The following CALD1 variants were observed in gnomAD, a reference collection of about 807,000 sequenced individuals.
CALD1 encodes the protein caldesmon.
Under a neutral mutation model 99.9 loss-of-function variants are expected in CALD1, and 33 were observed. That is an observed-to-expected ratio of 0.33 (90% CI 0.25 to 0.44). CALD1 has a LOEUF of 0.44. Ranked by LOEUF, CALD1 falls within the 20% of genes least tolerant of loss-of-function variation. CALD1 has a pLI of 1.00. For synonymous variants in CALD1, 310 were observed against 325.0 expected, an observed-to-expected ratio of 0.95 and a Z score of 0.50; for missense variants, 861 against 962.1, an observed-to-expected ratio of 0.89 and a Z score of 1.39.
chr7:134,872,164 C>G (rs1186389733), intron 3 of CALD1, among the ~76,000 whole-genome samples: 1 of 152,102 alleles, frequency 6.6e-6, no homozygotes, highest in Non-Finnish European at 1.5e-5. Context: ...CGAGACCACC[C>G]TGGCCAACAT....
upstream of CALD1, among the ~76,000 whole-genome samples, chr7:134,775,706 G>A (rs572344735): frequency 4.0e-3 from 199 of 49,656 alleles, 1 homozygote; most frequent in South Asian, 0.014. Context: ...GCGAGACTCC[G>A]TCTCAAAAAA....
At chr7:134,817,137 A>C (rs1442797802) in intron 1 of CALD1, among the ~76,000 whole-genome samples, 1 of 152,108 alleles carries the variant, frequency 6.6e-6, no homozygotes, top group Non-Finnish European at 1.5e-5. Flanking sequence ...TAAAGAGTGC[A>C]TCTTTGGAGG....
At chr7:134,748,499 C>A (rs1295537047) in intron 1 of CALD1, among the ~76,000 whole-genome samples, 4 of 152,150 alleles carry the variant, frequency 2.6e-5, no homozygotes, top group African/African-American at 9.7e-5. Context: ...CACCTGAGGT[C>A]AGGAGTTCGA....
intron 3 of CALD1, among the ~76,000 whole-genome samples, chr7:134,909,484 AC>A (rs1480255294): frequency 6.6e-6 from 1 of 152,206 alleles, no homozygotes; most frequent in Non-Finnish European, 1.5e-5. Context: ...GGAGTTCGAG[AC>A]CAGCCTGGCC....
rs2133000794 is a variant in CALD1 at position 134,935,900 on chromosome 7, G to A, written c.1386+135G>A. 3 of 796,934 alleles carry A rather than the reference G, an allele frequency of 3.8e-6. No homozygotes were observed. The East Asian group carries it at 8.5e-5, about 22-fold the overall frequency. The allele number at this position is 796,934 out of a possible 1,614,324, so 49.4% of individuals were successfully genotyped here. Reference sequence around the variant, plus strand: ...TTCAAGCCATGACTCACAGTCCACTGAATAGTGAGATCAGCTTAGAGTGTC... The same window carrying A: ...TTCAAGCCATGACTCACAGTCCACTAAATAGTGAGATCAGCTTAGAGTGTC... On this transcript the variant is annotated intron_variant, in intron 6 of 14. Transcript: ENST00000361675.
At chr7:134,950,866 G>A (rs542306902) in intron 9 of CALD1, among the ~76,000 whole-genome samples, 2 of 152,296 alleles carry the variant, frequency 1.3e-5, no homozygotes, top group South Asian at 2.1e-4. Flanking sequence ...GGCTTAGGCA[G>A]GAGAATCACT....
chr7:134,929,355 C>A (rs78454739), intron 4 of CALD1, among the ~76,000 whole-genome samples: 12 of 151,692 alleles, frequency 7.9e-5, no homozygotes, highest in Non-Finnish European at 1.5e-4. Context: ...CCGAGCAGTA[C>A]ACACCACGCC....
chr7:134,839,793 G>A (rs997946202), intron 1 of CALD1, among the ~76,000 whole-genome samples: 2 of 152,094 alleles, frequency 1.3e-5, no homozygotes, highest in Non-Finnish European at 2.9e-5. Context: ...TGGCTCAAGA[G>A]ATCCTCCCAC....
intron 1 of CALD1, among the ~76,000 whole-genome samples, chr7:134,814,181 C>A (rs1012954080): frequency 1.8e-4 from 27 of 152,100 alleles, no homozygotes; most frequent in African/African-American, 6.5e-4. Flanking sequence ...TACTTCCAGG[C>A]TCTGTGATAC....
At chr7:134,777,898 T>C (rs903814283), upstream of CALD1, among the ~76,000 whole-genome samples, 11 of 152,144 alleles carry the variant, frequency 7.2e-5, no homozygotes, top group African/African-American at 2.7e-4. Flanking sequence ...GTTCCGAAAA[T>C]TTATTTCTAA....
At chr7:134,821,593 T>C (rs1039945299) in intron 1 of CALD1, among the ~76,000 whole-genome samples, 3 of 140,388 alleles carry the variant, frequency 2.1e-5, no homozygotes, top group African/African-American at 7.8e-5. Flanking sequence ...CATTTTTTTT[T>C]TTTTTTTGAG....
At chr7:134,775,361 T>C (rs1368393784), upstream of CALD1, among the ~76,000 whole-genome samples, 1 of 152,220 alleles carries the variant, frequency 6.6e-6, no homozygotes, top group Non-Finnish European at 1.5e-5. Flanking sequence ...ACTTTTAAAA[T>C]ATTTACTATT....
chr7:134,882,384 T>C (rs897559659), intron 3 of CALD1, among the ~76,000 whole-genome samples: 1 of 152,222 alleles, frequency 6.6e-6, no homozygotes, highest in Non-Finnish European at 1.5e-5. Flanking sequence ...CTTTACAACA[T>C]AGAATTTTGA....
At chr7:134,732,705 C>T in the CALD1 span, among the ~76,000 whole-genome samples, 405 of 152,356 alleles carry the variant, frequency 2.7e-3, 3 homozygotes, top group African/African-American at 8.8e-3. Context: ...CCAAATGACA[C>T]TTCCAATTTT....
At chr7:134,763,993 G>GCCATACTT (rs981445186) in intron 1 of CALD1, among the ~76,000 whole-genome samples, 1 of 151,312 alleles carries the variant, frequency 6.6e-6, no homozygotes, top group Non-Finnish European at 1.5e-5. Context: ...TCAGCCCTTA[G>GCCATACTT]CCATACTTAG....
intron 3 of CALD1, among the ~76,000 whole-genome samples, chr7:134,878,439 G>A (rs189539084): frequency 9.2e-5 from 14 of 152,140 alleles, no homozygotes; most frequent in African/African-American, 3.4e-4. Flanking sequence ...CATAGTAGTG[G>A]GCGCCTGTAA....
At chr7:134,884,024 C>T (rs1331857142) in intron 3 of CALD1, among the ~76,000 whole-genome samples, 1 of 151,996 alleles carries the variant, frequency 6.6e-6, no homozygotes, top group Non-Finnish European at 1.5e-5. Flanking sequence ...ATTGCTTGAA[C>T]CTAGGAAGCG....
chr7:134,842,086 G>C (rs1265587028), intron 1 of CALD1, among the ~76,000 whole-genome samples: 1 of 152,164 alleles, frequency 6.6e-6, no homozygotes, highest in Non-Finnish European at 1.5e-5. Flanking sequence ...TATGGTGTCT[G>C]AACTCCAGCA....
At chr7:134,858,911 CT>C (rs950405470) in intron 2 of CALD1, among the ~76,000 whole-genome samples, 12 of 152,168 alleles carry the variant, frequency 7.9e-5, no homozygotes, top group Non-Finnish European at 8.8e-5. Flanking sequence ...GTAGAACTTT[CT>C]GCAGTGATGA....
Sources: gnomAD v4.1 joint callset for allele counts (sites outside exome capture counted in the v4.1 genomes callset) on GRCh38, gnomAD v4.1.1 for gene constraint, MANE v1.5 for transcripts, NCBI Gene and HGNC (gene_info 2026-07-23, HGNC 2026-07-21) for gene names.